FRAS1: variants seen among roughly 807,000 people sequenced by gnomAD.
FRAS1 encodes extracellular matrix organizing protein FRAS1.
FRAS1 carries 290 observed loss-of-function variants against 435.2 expected under a neutral mutation model. The ratio of observed to expected loss-of-function variants is 0.67; its 90% CI spans 0.61 to 0.73. The LOEUF (loss-of-function observed/expected upper bound fraction) is 0.73, where lower values mean the gene tolerates loss of function less well. Ranked by LOEUF, FRAS1 falls within the 30% of genes least tolerant of loss-of-function variation. The probability of loss-of-function intolerance (pLI) is 0.00; values close to 1 mark genes in which losing one functional copy is unlikely to be tolerated. For synonymous variants in FRAS1, 1,800 were observed against 1,851.0 expected (o/e 0.97, Z 0.71); for missense variants, 4,860 against 5,001.5 (o/e 0.97, Z 0.85).
Position 78,407,736 on chromosome 4 carries a change from G to A in FRAS1, c.4203G>A (p.Arg1401=). The A allele has an allele frequency of 6.2e-7, 1 of 1,613,810 alleles. No individual in the cohort carries two copies. The highest frequency in any genetic ancestry group is 8.5e-7 in the Non-Finnish European group (1 of 1,179,814). ...AAGGGCAGCACCTGCCTGATGGGAGGACAGCTACCCCCACCAGCACCTTCA... is the reference window on the plus strand; with the variant it reads ...AAGGGCAGCACCTGCCTGATGGGAGAACAGCTACCCCCACCAGCACCTTCA... ...ADEGQHLPDG[R]TATPTSTFTQ... Residue 1401 remains arginine, a synonymous_variant, in exon 31 of 74, where the codon AGG becomes AGA. Transcript: ENST00000512123.
At chr4:78,257,550 T>C (rs1725850540) in intron 6 of FRAS1, among the ~76,000 whole-genome samples, 1 of 152,188 alleles carries the variant, frequency 6.6e-6, no homozygotes, top group Non-Finnish European at 1.5e-5. Context: ...AGGTTTTTAT[T>C]TTTATTTTTT....
At chr4:78,441,603 T>G (rs1291638101) in intron 41 of FRAS1, among the ~76,000 whole-genome samples, 4 of 150,896 alleles carry the variant, frequency 2.7e-5, no homozygotes, top group South Asian at 4.2e-4. Flanking sequence ...ATGAGAAGAT[T>G]GAGTACGATG....
At chr4:78,417,552 C>A (rs1227259464) in intron 32 of FRAS1, among the ~76,000 whole-genome samples, 2 of 152,116 alleles carry the variant, frequency 1.3e-5, no homozygotes, top group Non-Finnish European at 2.9e-5. Flanking sequence ...GGGTGAGAGA[C>A]CAGCTGCTAT....
chr4:78,079,240 T>C (rs899354818), intron 2 of FRAS1, among the ~76,000 whole-genome samples: 2 of 151,734 alleles, frequency 1.3e-5, no homozygotes, highest in African/African-American at 4.9e-5. Context: ...ACCCCATTTT[T>C]TTGTCAACAA....
intron 2 of FRAS1, among the ~76,000 whole-genome samples, chr4:78,085,681 C>A (rs1578113240): frequency 6.6e-6 from 1 of 152,028 alleles, no homozygotes; most frequent in African/African-American, 2.4e-5. Context: ...ACAAAGAAGG[C>A]CATTACATAA....
chr4:78,099,389 G>A (rs911161725), intron 2 of FRAS1, among the ~76,000 whole-genome samples: 3 of 152,160 alleles, frequency 2.0e-5, no homozygotes, highest in African/African-American at 7.2e-5. Flanking sequence ...CAGGCTCTCT[G>A]CATGCCTCTT....
rs564047829 is a variant in FRAS1 at position 78,128,425 on chromosome 4, A to G, written c.108+62409A>G. Among the ~76,000 whole-genome samples, 203 of 152,246 alleles carry G rather than the reference A, an allele frequency of 1.3e-3. 3 individuals are homozygous for G. The Middle Eastern group carries it at 0.014, about 10-fold the overall frequency. On this transcript the variant is annotated intron_variant, in intron 2 of 73. Transcript: ENST00000512123. ...CCTCTCCAGCACCTGTTGTTTCCTGACTTTTTAATGATCGCCATTCTAACT... is the reference window on the plus strand; with the variant it reads ...CCTCTCCAGCACCTGTTGTTTCCTGGCTTTTTAATGATCGCCATTCTAACT...
chr4:78,105,475 T>C (rs1208624724), intron 2 of FRAS1, among the ~76,000 whole-genome samples: 1 of 152,120 alleles, frequency 6.6e-6, no homozygotes, highest in East Asian at 1.9e-4. Context: ...GAGCTCTTTA[T>C]TTGCTCCTCT....
At position 78,330,514 on chromosome 4, in the gene FRAS1, C is replaced by A. The variant is rs565172860; in HGVS notation, c.2138-2758C>A. On this transcript the variant is annotated intron_variant, in intron 18 of 73. Coordinates refer to ENST00000512123, the MANE Select transcript of FRAS1 (RefSeq NM_025074.7). ...AGCCATATTTCTCTTCTTTCAAAAG[C>A]AAATGGGAGAAATATCGCTGAATTC... 2.6e-4 allele frequency among the ~76,000 whole-genome samples: 39 copies of A among 152,324 alleles called. 1 individual carries two copies. The South Asian group carries it at 4.6e-3, about 18-fold the overall frequency.
At chr4:78,254,601 G>A (rs73827913) in intron 5 of FRAS1, among the ~76,000 whole-genome samples, 3,871 of 152,208 alleles carry the variant, frequency 0.025, 168 homozygotes, top group African/African-American at 0.087. Flanking sequence ...TCTTTCTTAA[G>A]TCCTAAGAGG....
At chr4:78,437,074 A>T (rs992520032) in intron 38 of FRAS1, among the ~76,000 whole-genome samples, 2 of 152,156 alleles carry the variant, frequency 1.3e-5, no homozygotes, top group Non-Finnish European at 2.9e-5. Context: ...TAAAATAGTG[A>T]TTTTCTTTAA....
In FRAS1 at chr4:78,451,676, C is replaced by A. The variant is rs1221051587; in HGVS notation, c.6464-96C>A. On this transcript the variant is annotated intron_variant, in intron 45 of 73. Coordinates refer to ENST00000512123, the MANE Select transcript of FRAS1 (RefSeq NM_025074.7). ...AAAGCGAGGAAGGTGTGAACTGATT[C>A]ATTGGTGTGAACACCAATTGAATTC... The A allele has an allele frequency of 1.5e-5, 14 of 952,318 alleles. No individual in the cohort carries two copies. The South Asian group carries it at 2.3e-4, about 16-fold the overall frequency. 59.0% of individuals were successfully genotyped at this position (952,318 alleles called of 1,614,324 possible).
At chr4:78,228,510 G>C (rs2110104255) in intron 2 of FRAS1, among the ~76,000 whole-genome samples, 1 of 152,320 alleles carries the variant, frequency 6.6e-6, no homozygotes, top group East Asian at 1.9e-4. Flanking sequence ...TTGGAATGAA[G>C]AGGAGCACAT....
chr4:78,121,857 G>T (rs1719045196), intron 2 of FRAS1, among the ~76,000 whole-genome samples: 1 of 152,142 alleles, frequency 6.6e-6, no homozygotes, highest in Non-Finnish European at 1.5e-5. Flanking sequence ...AATAGCTCTT[G>T]GATGGTAAAT....
intron 47 of FRAS1, among the ~76,000 whole-genome samples, chr4:78,463,307 AAT>A (rs1719426961): frequency 6.6e-6 from 1 of 152,044 alleles, no homozygotes; most frequent in Non-Finnish European, 1.5e-5. Flanking sequence ...GAATGAAATA[AAT>A]AGAGAAAAAT....
At chr4:78,324,708 C>CTTTTTTTTTTTTT (rs139942839) in intron 18 of FRAS1, among the ~76,000 whole-genome samples, 29 of 88,120 alleles carry the variant, frequency 3.3e-4, no homozygotes, top group Non-Finnish European at 4.7e-4. Context: ...GCTCAGATTC[C>CTTTTTTTTTTTTT]TTTTTTTTTT....
intron 35 of FRAS1, 134 bp from the exon 36 acceptor site, chr4:78,428,961 C>T (rs2054722): frequency 0.71 from 567,639 of 797,928 alleles, 205,500 homozygotes; most frequent in Non-Finnish European, 0.76. Flanking sequence ...TAAAGTAGTG[C>T]AAAAAAGTTT....
chr4:78,448,984 T>G (rs1718939174), intron 44 of FRAS1, among the ~76,000 whole-genome samples: 1 of 152,176 alleles, frequency 6.6e-6, no homozygotes, highest in African/African-American at 2.4e-5. Flanking sequence ...TATTTTGCAG[T>G]GAAAAATGTA....
In FRAS1 at chr4:78,499,712, T is replaced by C. The variant is rs1442401820; in HGVS notation, c.9116-9T>C. The stretch of plus-strand genomic sequence containing the variant: ...ACTGGCTCTTGTTTTCCTAACCATA[T>C]TTCCTTAGCCCCCACCATTGAGTTT... On this transcript the variant is annotated splice_polypyrimidine_tract_variant and intron_variant, in intron 60 of 73. Transcript: ENST00000512123. 1 of 1,612,478 alleles carries C rather than the reference T, an allele frequency of 6.2e-7. No homozygotes were observed. Among genetic ancestry groups the C allele is most frequent in the East Asian group, 2.2e-5 (1 of 44,876 alleles).
Sources: allele counts gnomAD v4.1 joint callset (sites outside exome capture counted in the v4.1 genomes callset), GRCh38; gene constraint gnomAD v4.1.1; transcripts MANE v1.5; gene names NCBI Gene and HGNC (gene_info 2026-07-23, HGNC 2026-07-21).